SHOC2: variants seen among roughly 807,000 people sequenced by gnomAD.
SHOC2 encodes SHOC2 leucine rich repeat scaffold protein.
A neutral mutation model predicts 50.2 loss-of-function variants in SHOC2; 4 were observed. The observed-to-expected ratio is 0.08, with a 90% CI of 0.04 to 0.18. The LOEUF (loss-of-function observed/expected upper bound fraction) is 0.18. Among genes scored for constraint, SHOC2 ranks in the 10% least tolerant of loss-of-function variants. The pLI is 1.00. For missense variants in SHOC2, 388 were observed against 669.6 expected (o/e 0.58, Z 4.64); for synonymous variants, 218 against 244.5 (o/e 0.89, Z 1.01).
At chr10:110,949,015 A>T (rs1443725566) in intron 1 of SHOC2, among the ~76,000 whole-genome samples, 2 of 152,060 alleles carry the variant, frequency 1.3e-5, no homozygotes, top group Non-Finnish European at 2.9e-5. Flanking sequence ...TCCTTCTTCC[A>T]TTGTGGCCCA....
At chr10:110,983,304 C>T (rs893848324) in intron 2 of SHOC2, among the ~76,000 whole-genome samples, 5 of 151,762 alleles carry the variant, frequency 3.3e-5, no homozygotes, top group African/African-American at 4.8e-5. Context: ...TATTCTCTTC[C>T]TTTTTTCATT....
chr10:110,970,392 G>A (rs950769267), intron 2 of SHOC2, among the ~76,000 whole-genome samples: 7 of 151,966 alleles, frequency 4.6e-5, no homozygotes, highest in Non-Finnish European at 5.9e-5. Context: ...TTTTTTGGCC[G>A]AATAGCATTT....
chr10:110,969,597 A>T (rs1235194647), intron 2 of SHOC2, among the ~76,000 whole-genome samples: 1 of 152,076 alleles, frequency 6.6e-6, no homozygotes, highest in African/African-American at 2.4e-5. Context: ...TATTCCTGTG[A>T]TTTCTTTTCT....
chr10:110,967,919 A>G (rs1252486297), intron 2 of SHOC2, among the ~76,000 whole-genome samples: 2 of 152,130 alleles, frequency 1.3e-5, no homozygotes, highest in Non-Finnish European at 2.9e-5. Context: ...TTATGAGTAT[A>G]GTTTCTGTAT....
At chr10:111,007,785 T>C in intron 6 of SHOC2, 132 bp downstream of exon 6, 1 of 888,504 alleles carries the variant, frequency 1.1e-6, no homozygotes, top group Non-Finnish European at 1.8e-6. Context: ...CACTTAAACA[T>C]ACAACCCTAA....
At chr10:110,973,411 A>G (rs1847819007) in intron 2 of SHOC2, among the ~76,000 whole-genome samples, 1 of 152,054 alleles carries the variant, frequency 6.6e-6, no homozygotes, top group Admixed American at 6.5e-5. Flanking sequence ...GCCTTTTTAT[A>G]TATTTCTGGA....
intron 1 of SHOC2, among the ~76,000 whole-genome samples, chr10:110,928,560 G>T (rs1397802482): frequency 1.3e-5 from 2 of 152,076 alleles, no homozygotes; most frequent in Non-Finnish European, 2.9e-5. Context: ...TCAGATAAAA[G>T]GTTTTATGAT....
At chr10:110,983,516 T>A (rs1345619748) in intron 2 of SHOC2, among the ~76,000 whole-genome samples, 1 of 152,204 alleles carries the variant, frequency 6.6e-6, no homozygotes, top group Non-Finnish European at 1.5e-5. Flanking sequence ...TTATAAAATA[T>A]GCATAACATA....
chr10:111,004,531 G>A, intron 4 of SHOC2, 75 bp from the exon 5 acceptor site: 2 of 1,104,702 alleles, frequency 1.8e-6, no homozygotes, highest in Admixed American at 3.6e-5. Context: ...AGGCATTTGT[G>A]TTGGGACTGC....
At chr10:110,965,148 C>G in intron 2 of SHOC2, 87 bp downstream of exon 2, 1 of 1,179,732 alleles carries the variant, frequency 8.5e-7, no homozygotes, top group Non-Finnish European at 1.2e-6. Context: ...ATGCCTGATA[C>G]TTGCCTAAAA....
At position 111,004,760 on chromosome 10, in the gene SHOC2, C is replaced by A; in HGVS notation, c.1127C>A (p.Ser376Tyr). 6.2e-7 allele frequency: 1 copy of A among 1,612,804 alleles called. No homozygotes were observed. The highest frequency in any genetic ancestry group is 8.5e-7 in the Non-Finnish European group (1 of 1,178,988). Residue 376 changes from serine to tyrosine, a missense_variant, in exon 5 of 9, where the codon TCC (serine) becomes TAC (tyrosine). Around this residue, in one of 5 missense-constraint regions of SHOC2, gnomAD observed 48 missense variants for 151.6 expected, o/e 0.32. Transcript: ENST00000369452. ...RINKIPFGIF[S>Y]RAKVLSKLNM... ...AACAAAATTCCATTTGGAATTTTCTCCAGAGCAAAAGTATTAAGTAAGCTG... is the reference window on the plus strand; with the variant it reads ...AACAAAATTCCATTTGGAATTTTCTACAGAGCAAAAGTATTAAGTAAGCTG...
chr10:110,928,759 G>C (rs745424252), intron 1 of SHOC2, among the ~76,000 whole-genome samples: 1 of 152,100 alleles, frequency 6.6e-6, no homozygotes, highest in Non-Finnish European at 1.5e-5. Context: ...ACAGGGTGTG[G>C]TGGCATGCAT....
At chr10:111,005,528 C>T (rs1303384653) in intron 5 of SHOC2, among the ~76,000 whole-genome samples, 3 of 152,076 alleles carry the variant, frequency 2.0e-5, no homozygotes, top group Admixed American at 6.5e-5. Flanking sequence ...TCTTCCCACC[C>T]AGAATTTTTG....
chr10:110,975,671 T>C (rs867725299), intron 2 of SHOC2, among the ~76,000 whole-genome samples: 17 of 152,314 alleles, frequency 1.1e-4, no homozygotes, highest in Middle Eastern at 3.4e-3. Flanking sequence ...TTGTGTTGCC[T>C]TTTCCAGTGA....
chr10:111,011,903 ATTGGTATATGG>A lies in SHOC2; in HGVS notation c.*86_*96del. On this transcript the variant is annotated 3_prime_UTR_variant, in exon 9 of 9. Coordinates refer to ENST00000369452, the MANE Select transcript of SHOC2 (RefSeq NM_007373.4). ...TATATCTGTATCTATTTATGTAGAT[ATTGGTATATGG>A]CAGATTTATAAAAATTGCATTATGT... 9.3e-7 allele frequency: 1 copy of A among 1,073,110 alleles called. No individual in the cohort carries two copies. The highest frequency in any genetic ancestry group is 1.4e-6 in the Non-Finnish European group (1 of 700,274). The allele number at this position is 1,073,110 out of a possible 1,614,324, so 66.5% of individuals were successfully genotyped here.
At position 111,011,932 on chromosome 10, in the gene SHOC2, C is replaced by T. The variant is rs931728986; in HGVS notation, c.*114C>T. 11 of 879,804 alleles carry T rather than the reference C, an allele frequency of 1.3e-5. No homozygotes were observed. The African/African-American group carries it at 1.8e-4, about 15-fold the overall frequency. The allele number at this position is 879,804 out of a possible 1,614,324, so 54.5% of individuals were successfully genotyped here. A position where few individuals can be genotyped will look rare whatever the true frequency, so the allele number is the denominator to read the frequency against. ...GTATATGGCAGATTTATAAAAATTGCATTATGTGTTTCTGCTAATAGAGGA... is the reference window on the plus strand; with the variant it reads ...GTATATGGCAGATTTATAAAAATTGTATTATGTGTTTCTGCTAATAGAGGA... On this transcript the variant is annotated 3_prime_UTR_variant, in exon 9 of 9. Transcript: ENST00000369452.
chr10:111,008,174 T>C (rs1435361890), intron 6 of SHOC2, among the ~76,000 whole-genome samples: 1 of 148,038 alleles, frequency 6.8e-6, no homozygotes, highest in African/African-American at 2.5e-5. Flanking sequence ...CCCTTAGTTT[T>C]TTTCTTTTAG....
At chr10:110,957,459 G>T (rs1564711933) in intron 1 of SHOC2, among the ~76,000 whole-genome samples, 2 of 151,864 alleles carry the variant, frequency 1.3e-5, no homozygotes, top group African/African-American at 2.4e-5. Context: ...TGTGTATAAT[G>T]CCGCATGTAT....
intron 1 of SHOC2, among the ~76,000 whole-genome samples, chr10:110,926,899 A>C (rs1846787772): frequency 6.6e-6 from 1 of 152,242 alleles, no homozygotes; most frequent in African/African-American, 2.4e-5. Flanking sequence ...AATTATCTGA[A>C]AATACTGATC....
Sources: gnomAD v4.1 joint callset for allele counts (sites outside exome capture counted in the v4.1 genomes callset) on GRCh38, gnomAD v4.1.1 for gene constraint, gnomAD v4.1.1 regional missense constraint, MANE v1.5 for transcripts, NCBI Gene and HGNC (gene_info 2026-07-23, HGNC 2026-07-21) for gene names.